The following SLC9A8 variants were observed in gnomAD, a reference collection of about 807,000 sequenced individuals.
SLC9A8 encodes sodium/hydrogen exchanger 8.
In SLC9A8, 48 loss-of-function variants were observed where a neutral mutation model predicts 66.6. The ratio of observed to expected loss-of-function variants is 0.72; its 90% confidence interval spans 0.57 to 0.92. The LOEUF (loss-of-function observed/expected upper bound fraction) is 0.92, where lower values mean the gene tolerates loss of function less well. SLC9A8 is among the 40% of genes least tolerant of loss of function. The pLI is 0.00. For synonymous variants in SLC9A8, 274 were observed against 282.6 expected (o/e 0.97, Z 0.31); for missense variants, 599 against 747.3 (o/e 0.80, Z 2.31).
rs555794917 is a variant in SLC9A8 at position 49,886,959 on chromosome 20, C to T, written c.1638+61C>T. 1.2e-4 allele frequency: 185 copies of T among 1,550,032 alleles called. No homozygotes were observed. The East Asian group carries it at 3.9e-3, about 33-fold the overall frequency. ...CCTTGCCTGCCTCCTTCAGGACCTG[C>T]GGTGGCCCAGGGTGGGGTGGAGGAA... On this transcript the variant is annotated intron_variant, in intron 15 of 15. Transcript: ENST00000361573. This position sits in a 1 kb window ranked among gnomAD's most constrained non-coding sequence, Gnocchi z 4.8.
intron 7 of SLC9A8, among the ~76,000 whole-genome samples, chr20:49,852,776 G>A (rs567354491): frequency 6.6e-6 from 1 of 150,598 alleles, no homozygotes; most frequent in Non-Finnish European, 1.5e-5. Context: ...GAAATACTCT[G>A]CCTCAATTTA....
chr20:49,845,217 C>A, intron 5 of SLC9A8, 98 bp downstream of exon 5: 1 of 848,476 alleles, frequency 1.2e-6, no homozygotes, highest in African/African-American at 1.7e-5. Flanking sequence ...GCAGCAGCAG[C>A]AGCAGCAGCT....
chr20:49,849,516 C>T (rs368772307), intron 5 of SLC9A8, 63 bp from the exon 6 acceptor site: 9 of 1,267,586 alleles, frequency 7.1e-6, no homozygotes, highest in South Asian at 2.4e-5. Flanking sequence ...GTGTGCAGGC[C>T]GTGCCTTCAC....
intron 9 of SLC9A8, 92 bp from the exon 10 acceptor site, chr20:49,864,647 C>T: frequency 2.4e-6 from 2 of 823,470 alleles, no homozygotes; most frequent in Non-Finnish European, 4.2e-6. Context: ...CTGTTGTTTA[C>T]TTCATATATT....
In SLC9A8 at chr20:49,886,539, A is replaced by G. The variant is rs1396671410; in HGVS notation, c.1492-213A>G. ...CCAGTCCTTCTGTTTTAGCTGTCCTAGGTGGGGTCCTGGGCATCCATTGTG... is the reference window on the plus strand; with the variant it reads ...CCAGTCCTTCTGTTTTAGCTGTCCTGGGTGGGGTCCTGGGCATCCATTGTG... On this transcript the variant is annotated intron_variant, in intron 14 of 15. Coordinates refer to ENST00000361573, the MANE Select transcript of SLC9A8 (RefSeq NM_015266.3). This position sits in a 1 kb window ranked among gnomAD's most constrained non-coding sequence, Gnocchi z 4.8. The G allele has an allele frequency of 1.8e-6, 1 of 544,194 alleles. No individual in the cohort carries two copies. Among genetic ancestry groups the G allele is most frequent in the Non-Finnish European group, 3.2e-6 (1 of 309,108 alleles). 33.7% of individuals were successfully genotyped at this position (544,194 alleles called of 1,614,324 possible). A position where few individuals can be genotyped will look rare whatever the true frequency, so the allele number is the denominator to read the frequency against.
chr20:49,868,884 C>T (rs1424392647), intron 10 of SLC9A8, among the ~76,000 whole-genome samples: 1 of 152,162 alleles, frequency 6.6e-6, no homozygotes, highest in Non-Finnish European at 1.5e-5. Flanking sequence ...TAATAATATC[C>T]CCGTTTATTC....
At chr20:49,826,419 A>G (rs78495741) in intron 3 of SLC9A8, among the ~76,000 whole-genome samples, 2,680 of 152,330 alleles carry the variant, frequency 0.018, 78 homozygotes, top group African/African-American at 0.062. Context: ...TCTTTCAGGG[A>G]TAAATTTTCC....
chr20:49,877,045 T>TC (rs2146733198), intron 11 of SLC9A8, among the ~76,000 whole-genome samples: 1 of 151,118 alleles, frequency 6.6e-6, no homozygotes, highest in African/African-American at 2.4e-5. Context: ...CCCAGCACTT[T>TC]GAGGGGGGCC....
At chr20:49,816,432 CAA>C (rs763431051) in intron 2 of SLC9A8, among the ~76,000 whole-genome samples, 2 of 148,766 alleles carry the variant, frequency 1.3e-5, no homozygotes, top group Non-Finnish European at 3.0e-5. Flanking sequence ...AAAAAAAAAA[CAA>C]AAAAAACCAA....
At chr20:49,835,679 C>CTTT (rs34461954) in intron 3 of SLC9A8, among the ~76,000 whole-genome samples, 8,373 of 71,982 alleles carry the variant, frequency 0.12, 1,422 homozygotes, top group African/African-American at 0.27. Context: ...ACACAATTCA[C>CTTT]TTTTTTTTTT....
chr20:49,830,299 C>A (rs1048159799), intron 3 of SLC9A8: 2 of 1,146,564 alleles, frequency 1.7e-6, no homozygotes, highest in Non-Finnish European at 2.6e-6. Context: ...ATGGGTCACA[C>A]AGTGACTGTC....
chr20:49,884,233 C>CGCG (rs1446483329), intron 14 of SLC9A8, 167 bp downstream of exon 14: 73 of 224,812 alleles, frequency 3.2e-4, no homozygotes, highest in Admixed American at 5.2e-4. Context: ...CACACACACA[C>CGCG]ACACACACGA....
At chr20:49,884,991 C>T (rs1051213152) in intron 14 of SLC9A8, among the ~76,000 whole-genome samples, 1 of 152,236 alleles carries the variant, frequency 6.6e-6, no homozygotes, top group Non-Finnish European at 1.5e-5. Flanking sequence ...ATCAGAGGCC[C>T]AGGAGTCCTC....
At position 49,874,750 on chromosome 20, in the gene SLC9A8, C is replaced by CGCACCATAACCTCT. The variant is rs2089356204; in HGVS notation, c.1005_1018dup (p.Ser340CysfsTer52). On this transcript the variant is annotated frameshift_variant, in exon 11 of 16. Transcript: ENST00000361573. LOFTEE classifies it high-confidence loss of function. ...TCAGGCATCGTGATGTCCCACTACA[C>CGCACCATAACCTCT]GCACCATAACCTCTCCCCAGTCACC... The CGCACCATAACCTCT allele has an allele frequency of 6.2e-7, 1 of 1,613,744 alleles. No homozygotes were observed. The highest frequency in any genetic ancestry group is 8.5e-7 in the Non-Finnish European group (1 of 1,179,734).
intron 2 of SLC9A8, among the ~76,000 whole-genome samples, chr20:49,819,465 T>A (rs554721879): frequency 1.2e-4 from 19 of 152,222 alleles, no homozygotes; most frequent in Non-Finnish European, 2.6e-4. Context: ...GTCCCATAAC[T>A]TGCCTTTTCA....
At chr20:49,847,239 A>G (rs1173742561) in intron 5 of SLC9A8, among the ~76,000 whole-genome samples, 1 of 151,806 alleles carries the variant, frequency 6.6e-6, no homozygotes, top group Non-Finnish European at 1.5e-5. Context: ...GTTGAAGGTC[A>G]CCATGTCTTT....
At chr20:49,844,275 A>G (rs2087887360) in intron 4 of SLC9A8, among the ~76,000 whole-genome samples, 1 of 152,146 alleles carries the variant, frequency 6.6e-6, no homozygotes, top group Non-Finnish European at 1.5e-5. Flanking sequence ...AGGCAGAGCT[A>G]TTTTAACCAT....
chr20:49,887,861 T>A lies in SLC9A8; in HGVS notation c.1671T>A (p.Thr557=). Reference sequence around the variant, plus strand: ...ACCACGGGCGCATCCAGATGAAAACTCTCACCAACAAGTGGTACGAGGAGG... The same window carrying A: ...ACCACGGGCGCATCCAGATGAAAACACTCACCAACAAGTGGTACGAGGAGG... ...DLHHGRIQMK[T]LTNKWYEEVR... The change falls in exon 16 of 16, where the codon ACT becomes ACA. Residue 557 remains threonine, a synonymous_variant. Transcript: ENST00000361573. The A allele has an allele frequency of 1.2e-6, 2 of 1,612,634 alleles. No individual in the cohort carries two copies. Among genetic ancestry groups the A allele is most frequent in the Non-Finnish European group, 1.7e-6 (2 of 1,179,256 alleles).
chr20:49,871,051 T>C (rs2089190046), intron 10 of SLC9A8, among the ~76,000 whole-genome samples: 2 of 152,264 alleles, frequency 1.3e-5, no homozygotes, highest in African/African-American at 4.8e-5. Context: ...ACTGGCAGTC[T>C]GCATATTGAA....
Sources: gnomAD v4.1 joint callset for allele counts (sites outside exome capture counted in the v4.1 genomes callset) on GRCh38, gnomAD v4.1.1 for gene constraint, Gnocchi (gnomAD v3.1) non-coding constraint, MANE v1.5 for transcripts, NCBI Gene and HGNC (gene_info 2026-07-23, HGNC 2026-07-21) for gene names.